The following INO80 variants were observed in gnomAD, a reference collection of about 807,000 sequenced individuals.
INO80 encodes the protein chromatin-remodeling ATPase INO80.
Under a neutral mutation model 203.4 loss-of-function variants are expected in INO80, and 20 were observed. The ratio of observed to expected loss-of-function variants is 0.10; its 90% confidence interval spans 0.07 to 0.14. INO80 has a LOEUF of 0.14. INO80 is among the 10% of genes least tolerant of loss of function. The pLI is 1.00. For missense variants in INO80, 1,419 were observed against 1,914.4 expected (o/e 0.74, Z 4.83); for synonymous variants, 726 against 685.2 (o/e 1.06, Z -0.93).
At chr15:41,066,637 T>C (rs893076558) in intron 14 of INO80, among the ~76,000 whole-genome samples, 60 of 151,652 alleles carry the variant, frequency 4.0e-4, no homozygotes, top group Admixed American at 3.1e-3. Context: ...GAGACCAGCC[T>C]TGGCAACATA....
chr15:40,988,356 G>A (rs747404330), intron 29 of INO80, among the ~76,000 whole-genome samples: 5 of 152,030 alleles, frequency 3.3e-5, no homozygotes, highest in Admixed American at 2.0e-4. Context: ...TCCCATAATC[G>A]TCATTATTTA....
chr15:41,053,929 C>T lies in INO80; in HGVS notation c.2274G>A (p.Lys758=), dbSNP rs781453106. 6 of 1,612,156 alleles carry T rather than the reference C, an allele frequency of 3.7e-6. No homozygotes were observed. The highest frequency in any genetic ancestry group is 1.3e-5 in the African/African-American group (1 of 74,990). The part of the protein sequence containing the change: ...KKDVENELSD[K]IEILMYCQLT... Reference sequence around the variant, plus strand: ...AACACATGAGGTCTTCTTTACTTACCTTGTCAGATAATTCATTTTCCACAT... The same window carrying T: ...AACACATGAGGTCTTCTTTACTTACTTTGTCAGATAATTCATTTTCCACAT... Residue 758 remains lysine, a splice_region_variant and synonymous_variant, in exon 19 of 36, where the codon AAG becomes AAA. Coordinates refer to ENST00000648947, the MANE Select transcript of INO80 (RefSeq NM_017553.3).
rs1294957050 is a variant in INO80, at chr15:41,092,050, T to G, written c.514A>C (p.Asn172His). ...RLHKYKKLHQ[N>H]KYSKDKELQQ... ...ACCTCCTTGTCTTTACTATACTTAT[T>G]TTGGTGAAGTTTCTTATATTTGTGT... The change falls in exon 5 of 36, where the codon AAT (asparagine) becomes CAT (histidine). Residue 172 changes from asparagine to histidine, a missense_variant. Physicochemically the swap from Asn to His is moderately conservative, Grantham distance 68 (BLOSUM62 1). Transcript: ENST00000648947. 6.2e-7 allele frequency: 1 copy of G among 1,610,248 alleles called. No homozygotes were observed.
intron 19 of INO80, among the ~76,000 whole-genome samples, chr15:41,052,297 C>A (rs2044888642): frequency 6.6e-6 from 1 of 152,098 alleles, no homozygotes; most frequent in Non-Finnish European, 1.5e-5. Flanking sequence ...TTTCAAAAAA[C>A]TACCCATCAA....
rs1644021875 is a variant in INO80, at chr15:41,095,626, A to G, written c.356T>C (p.Leu119Pro). The change falls in exon 4 of 36, where the codon CTG becomes CCG. Residue 119 changes from leucine (L) to proline (P), a missense_variant. Transcript: ENST00000648947. ...DKGNLYNFSK[L>P]KKSRKWLKSI... Reference sequence around the variant, plus strand: ...CTTTAGCCACTTTCTGCTTTTCTTCAGCTTAGAGAAATTATATAAATTCCC... The same window carrying G: ...CTTTAGCCACTTTCTGCTTTTCTTCGGCTTAGAGAAATTATATAAATTCCC... 1 of 1,611,098 alleles carries G rather than the reference A, an allele frequency of 6.2e-7. No individual in the cohort carries two copies. The highest frequency in any genetic ancestry group is 8.5e-7 in the Non-Finnish European group (1 of 1,177,324).
At chr15:41,070,041 TTATAAAATTCCTATAAAGTAG>T (rs2045285997) in intron 13 of INO80, among the ~76,000 whole-genome samples, 1 of 152,230 alleles carries the variant, frequency 6.6e-6, no homozygotes, top group African/African-American at 2.4e-5. Context: ...AATTTAATTC[TTATAAAATTCCTATAAAGTAG>T]ATAACGTCTC....
chr15:41,098,748 A>G (rs887887669), intron 1 of INO80, among the ~76,000 whole-genome samples: 10 of 152,122 alleles, frequency 6.6e-5, no homozygotes, highest in Admixed American at 5.9e-4. Context: ...CACATATACA[A>G]CTTTTTTTTT....
intron 24 of INO80, among the ~76,000 whole-genome samples, chr15:41,043,193 G>GC (rs1372866142): frequency 1.3e-5 from 2 of 152,182 alleles, no homozygotes; most frequent in Non-Finnish European, 2.9e-5. Context: ...TAAGAAAAAT[G>GC]CAGGTGTCCA....
intron 20 of INO80, 66 bp from the exon 21 acceptor site, chr15:41,049,486 T>C: frequency 7.0e-7 from 1 of 1,426,930 alleles, no homozygotes; most frequent in Non-Finnish European, 9.8e-7. Flanking sequence ...TGACAGGGGA[T>C]CCCAAATCCC....
chr15:41,080,190 A>G (rs1300869705), intron 8 of INO80, among the ~76,000 whole-genome samples: 3 of 152,216 alleles, frequency 2.0e-5, no homozygotes, highest in African/African-American at 7.2e-5. Flanking sequence ...ACAAAATGTT[A>G]TTGCACACAT....
chr15:41,062,251 A>ATAT (rs886284968), intron 14 of INO80, among the ~76,000 whole-genome samples: 3 of 152,134 alleles, frequency 2.0e-5, no homozygotes, highest in African/African-American at 7.2e-5. Flanking sequence ...CTCTTAATTT[A>ATAT]TATTATTATT....
intron 19 of INO80, among the ~76,000 whole-genome samples, chr15:41,052,795 C>T (rs1036031522): frequency 2.1e-5 from 3 of 142,608 alleles, no homozygotes; most frequent in South Asian, 2.2e-4. Context: ...GAGGCCCAGG[C>T]GGGTGAATCC....
chr15:41,102,625 G>A (rs965139402), intron 1 of INO80, among the ~76,000 whole-genome samples: 2 of 151,972 alleles, frequency 1.3e-5, no homozygotes, highest in African/African-American at 2.4e-5. Context: ...AGCCAGTATC[G>A]TGCACACTGC....
intron 25 of INO80, chr15:41,024,655 G>A (rs1023214737): frequency 1.1e-4 from 17 of 152,182 alleles, no homozygotes; most frequent in African/African-American, 4.1e-4. Context: ...TAATTCCTAA[G>A]GCCTTAATTT....
intron 27 of INO80, among the ~76,000 whole-genome samples, chr15:41,008,805 T>A (rs914648823): frequency 6.6e-6 from 1 of 152,278 alleles, no homozygotes; most frequent in East Asian, 1.9e-4. Flanking sequence ...GAGGGACACA[T>A]CCCTTACCTA....
intron 28 of INO80, 129 bp from the exon 29 acceptor site, chr15:40,997,730 C>T (rs978508995): frequency 3.1e-6 from 2 of 636,230 alleles, no homozygotes; most frequent in Non-Finnish European, 5.8e-6. Context: ...GTTACCTAGG[C>T]CTGACTGTAT....
chr15:41,055,146 T>C (rs533923827), intron 18 of INO80, 101 bp downstream of exon 18: 4 of 646,860 alleles, frequency 6.2e-6, no homozygotes, highest in East Asian at 2.7e-5. Context: ...GATTTGTCTA[T>C]GTATACTGGA....
intron 1 of INO80, among the ~76,000 whole-genome samples, chr15:41,109,480 C>T (rs1370718114): frequency 6.6e-6 from 1 of 150,522 alleles, no homozygotes; most frequent in African/African-American, 2.5e-5. Context: ...TGGCCACTGC[C>T]GTATTTATTA....
chr15:41,084,121 A>G (rs1429585583), intron 7 of INO80, among the ~76,000 whole-genome samples: 1 of 152,008 alleles, frequency 6.6e-6, no homozygotes, highest in African/African-American at 2.4e-5. Flanking sequence ...TTCATCCTTA[A>G]GAGTAATATG....
Sources: gnomAD v4.1 joint callset for allele counts (sites outside exome capture counted in the v4.1 genomes callset) on GRCh38, gnomAD v4.1.1 for gene constraint, MANE v1.5 for transcripts, NCBI Gene and HGNC (gene_info 2026-07-23, HGNC 2026-07-21) for gene names.